CCDC102B: variants seen among roughly 807,000 people sequenced by gnomAD.
CCDC102B encodes coiled-coil domain containing 102B, also known as coiled-coil domain-containing protein 102B.
A neutral mutation model predicts 57.4 loss-of-function variants in CCDC102B; 75 were observed. The ratio of observed to expected loss-of-function variants is 1.31; its 90% confidence interval spans 1.08 to 1.58. CCDC102B has a LOEUF of 1.58. Ranked by LOEUF, CCDC102B falls within the 40% of genes most tolerant of loss-of-function variation. The pLI, the probability that CCDC102B is intolerant of heterozygous loss-of-function variation, is 0.00. For missense variants in CCDC102B, 636 were observed against 582.6 expected (o/e 1.09, Z -0.94); for synonymous variants, 206 against 201.9 (o/e 1.02, Z -0.17).
chr18:69,056,067 C>T (rs144884041), downstream of CCDC102B, among the ~76,000 whole-genome samples: 68 of 152,060 alleles, frequency 4.5e-4, 1 homozygote, highest in Middle Eastern at 0.014. Context: ...CTTCATAACA[C>T]GTATGTAATG....
chr18:68,818,559 G>A (rs1039466867), intron 1 of CCDC102B, among the ~76,000 whole-genome samples: 1 of 152,014 alleles, frequency 6.6e-6, no homozygotes, highest in African/African-American at 2.4e-5. Flanking sequence ...TCCAACTAAG[G>A]GTAAACACTA....
intron 6 of CCDC102B, among the ~76,000 whole-genome samples, chr18:68,949,121 G>C (rs748781984): frequency 6.6e-6 from 1 of 152,052 alleles, no homozygotes; most frequent in Non-Finnish European, 1.5e-5. Context: ...TAGCCATGCT[G>C]GCAGTGGATT....
intron 6 of CCDC102B, among the ~76,000 whole-genome samples, chr18:68,936,921 G>T (rs1386514150): frequency 1.3e-5 from 2 of 151,610 alleles, no homozygotes; most frequent in Non-Finnish European, 2.9e-5. Context: ...ATTATTGACA[G>T]TTGTGTTCCA....
intron 6 of CCDC102B, among the ~76,000 whole-genome samples, chr18:69,002,157 G>C (rs927900396): frequency 6.6e-6 from 1 of 152,150 alleles, no homozygotes; most frequent in African/African-American, 2.4e-5. Context: ...GTATCAGCTT[G>C]AACAAGCTGG....
chr18:68,883,447 A>G (rs2039764870), intron 5 of CCDC102B, among the ~76,000 whole-genome samples: 1 of 152,090 alleles, frequency 6.6e-6, no homozygotes, highest in Non-Finnish European at 1.5e-5. Context: ...AAGAAACAAC[A>G]GGTAGCTCTG....
At chr18:68,990,487 A>G (rs2050835364) in intron 6 of CCDC102B, among the ~76,000 whole-genome samples, 1 of 152,222 alleles carries the variant, frequency 6.6e-6, no homozygotes, top group South Asian at 2.1e-4. Flanking sequence ...AGCTGGACAG[A>G]ATGGAAAGCC....
intron 6 of CCDC102B, among the ~76,000 whole-genome samples, chr18:68,980,145 C>T (rs1421491827): frequency 6.6e-6 from 1 of 151,874 alleles, no homozygotes; most frequent in Non-Finnish European, 1.5e-5. Flanking sequence ...CTAAACTGCT[C>T]CATATTCCTG....
chr18:68,760,944 G>T lies in CCDC102B; in HGVS notation c.-67+44350G>T, dbSNP rs573897838. Among the ~76,000 whole-genome samples the T allele has an allele frequency of 6.1e-4, 92 of 151,998 alleles. No individual in the cohort carries two copies. In the Middle Eastern group the frequency reaches 0.01, roughly 17 times the overall value. On this transcript the variant is annotated intron_variant, in intron 2 of 3. Coordinates refer to the CCDC102B transcript ENST00000578970. ...TCTTAAGTTTATTAAGATACAATGT[G>T]CAGGCAAAAGAAAAAAAATTCAGCC...
chr18:69,011,266 A>G, intron 7 of CCDC102B, 162 bp downstream of exon 7: 1 of 681,146 alleles, frequency 1.5e-6, no homozygotes, highest in Non-Finnish European at 2.4e-6. Context: ...ATAAGATTAC[A>G]CAGACAATGT....
At chr18:69,008,040 G>A (rs1474918610) in intron 6 of CCDC102B, among the ~76,000 whole-genome samples, 1 of 152,156 alleles carries the variant, frequency 6.6e-6, no homozygotes, top group African/African-American at 2.4e-5. Context: ...TTGTAACTAG[G>A]TGCGTAATTC....
At chr18:68,748,036 T>C (rs1599403258) in intron 2 of CCDC102B, among the ~76,000 whole-genome samples, 1 of 152,298 alleles carries the variant, frequency 6.6e-6, no homozygotes, top group Non-Finnish European at 1.5e-5. Flanking sequence ...TTGTTATCTT[T>C]TCTGCTTTTG....
intron 4 of CCDC102B, among the ~76,000 whole-genome samples, chr18:68,864,415 T>G (rs925646267): frequency 2.0e-5 from 3 of 152,058 alleles, no homozygotes; most frequent in African/African-American, 7.2e-5. Flanking sequence ...GGGATCCTAC[T>G]GCTGCCTGCT....
chr18:68,760,991 C>G (rs924468619), intron 2 of CCDC102B, among the ~76,000 whole-genome samples: 1 of 152,010 alleles, frequency 6.6e-6, no homozygotes, highest in African/African-American at 2.4e-5. Context: ...AAAGTAAAGG[C>G]ATATTACTTA....
chr18:68,969,224 A>C (rs2050237237), intron 6 of CCDC102B, among the ~76,000 whole-genome samples: 1 of 152,156 alleles, frequency 6.6e-6, no homozygotes, highest in Non-Finnish European at 1.5e-5. Flanking sequence ...CAGACACCTC[A>C]TCCTCATTTC....
At chr18:68,779,772 A>C (rs2034944948) in intron 2 of CCDC102B, among the ~76,000 whole-genome samples, 2 of 152,106 alleles carry the variant, frequency 1.3e-5, no homozygotes, top group Non-Finnish European at 2.9e-5. Context: ...ATTGATTATA[A>C]GGAGCTCTGA....
intron 6 of CCDC102B, among the ~76,000 whole-genome samples, chr18:68,956,241 T>G (rs2145209496): frequency 6.8e-6 from 1 of 146,726 alleles, no homozygotes; most frequent in South Asian, 2.1e-4. Context: ...CTTCCAAATC[T>G]TGGCTATTGT....
intron 2 of CCDC102B, among the ~76,000 whole-genome samples, chr18:68,838,022 A>G (rs902889594): frequency 6.6e-6 from 1 of 152,216 alleles, no homozygotes; most frequent in African/African-American, 2.4e-5. Context: ...GAACTTGACT[A>G]TTCATTGAGA....
intron 4 of CCDC102B, among the ~76,000 whole-genome samples, chr18:68,855,360 C>T (rs2038334661): frequency 6.6e-6 from 1 of 152,058 alleles, no homozygotes; most frequent in African/African-American, 2.4e-5. Flanking sequence ...ATTAAGAGTG[C>T]TCCAAGCAGA....
intron 1 of CCDC102B, among the ~76,000 whole-genome samples, chr18:68,815,340 T>A (rs932899310): frequency 1.3e-5 from 2 of 152,172 alleles, no homozygotes; most frequent in Non-Finnish European, 2.9e-5. Context: ...TATGGCCCAA[T>A]GGACACAGAT....
Sources: allele counts gnomAD v4.1 joint callset (sites outside exome capture counted in the v4.1 genomes callset), GRCh38; gene constraint gnomAD v4.1.1; transcripts MANE v1.5; gene names NCBI Gene and HGNC (gene_info 2026-07-23, HGNC 2026-07-21).